The following AFG2A variants were observed in gnomAD, a reference collection of about 807,000 sequenced individuals.
AFG2A encodes AAA ATPase AFG2A, also known as ATPase family gene 2 protein homolog A.
chr4:122,984,506 A>C, the AFG2A span, among the ~76,000 whole-genome samples: 1 of 152,118 alleles, frequency 6.6e-6, no homozygotes, highest in African/African-American at 2.4e-5. Context: ...GAGTGGTGAG[A>C]GTGAGCATCC....
the AFG2A span, among the ~76,000 whole-genome samples, chr4:123,197,180 A>T: frequency 6.6e-6 from 1 of 152,202 alleles, no homozygotes; most frequent in Non-Finnish European, 1.5e-5. Flanking sequence ...ACAACCCATG[A>T]ATCCAGACAT....
At chr4:123,243,103 G>C in the AFG2A span, among the ~76,000 whole-genome samples, 1 of 152,210 alleles carries the variant, frequency 6.6e-6, no homozygotes, top group African/African-American at 2.4e-5. Flanking sequence ...AACAACAGAT[G>C]CTGGAGAGGA....
At chr4:123,226,421 AG>A in the AFG2A span, among the ~76,000 whole-genome samples, 445 of 152,294 alleles carry the variant, frequency 2.9e-3, 2 homozygotes, top group Middle Eastern at 0.014. Flanking sequence ...TTTAGCATGA[AG>A]GGTTGTTGAA....
chr4:122,951,433 T>TAC, the AFG2A span, among the ~76,000 whole-genome samples: 22,110 of 148,404 alleles, frequency 0.15, 1,673 homozygotes, highest in Middle Eastern at 0.24. Flanking sequence ...TTTTCCAAAG[T>TAC]ACACACACAC....
chr4:123,120,937 G>T, the AFG2A span, among the ~76,000 whole-genome samples: 1 of 152,072 alleles, frequency 6.6e-6, no homozygotes, highest in Non-Finnish European at 1.5e-5. Flanking sequence ...TCCTACAGGG[G>T]ATATTCCATA....
chr4:122,982,462 A>G, the AFG2A span, among the ~76,000 whole-genome samples: 3 of 152,250 alleles, frequency 2.0e-5, no homozygotes, highest in South Asian at 6.2e-4. Context: ...GTAATTTTCT[A>G]TTCTTACAGC....
At chr4:123,193,665 G>A in the AFG2A span, among the ~76,000 whole-genome samples, 1 of 152,178 alleles carries the variant, frequency 6.6e-6, no homozygotes, top group African/African-American at 2.4e-5. Flanking sequence ...TAAAAGCGAA[G>A]AAGATGTATT....
chr4:123,089,051 G>A, the AFG2A span, among the ~76,000 whole-genome samples: 2 of 152,068 alleles, frequency 1.3e-5, no homozygotes. Context: ...AGTACTCTTT[G>A]GTCCCATATA....
chr4:123,287,923 G>C, the AFG2A span, among the ~76,000 whole-genome samples: 1 of 152,240 alleles, frequency 6.6e-6, no homozygotes, highest in African/African-American at 2.4e-5. Context: ...ACATTTCAGG[G>C]AGAGGGAACA....
chr4:123,231,514 C>G, the AFG2A span, among the ~76,000 whole-genome samples: 1 of 151,984 alleles, frequency 6.6e-6, no homozygotes, highest in Admixed American at 6.6e-5. Flanking sequence ...CCAGATCACT[C>G]GAAGTTTCTC....
At chr4:123,031,795 T>A in the AFG2A span, among the ~76,000 whole-genome samples, 1 of 152,222 alleles carries the variant, frequency 6.6e-6, no homozygotes, top group Non-Finnish European at 1.5e-5. Context: ...TTTAGCTTCC[T>A]CTATGCATCT....
chr4:123,040,121 G>T, the AFG2A span, among the ~76,000 whole-genome samples: 11 of 151,164 alleles, frequency 7.3e-5, no homozygotes, highest in Non-Finnish European at 1.3e-4. Flanking sequence ...TAGGGTATAC[G>T]TATCTAGAAG....
the AFG2A span, among the ~76,000 whole-genome samples, chr4:123,110,788 C>T: frequency 2.0e-5 from 3 of 152,158 alleles, no homozygotes; most frequent in Non-Finnish European, 4.4e-5. Flanking sequence ...GAGAAAATTA[C>T]TGCTCAAAGA....
At chr4:123,130,623 G>A in the AFG2A span, among the ~76,000 whole-genome samples, 281 of 152,190 alleles carry the variant, frequency 1.8e-3, 4 homozygotes, top group African/African-American at 6.4e-3. Flanking sequence ...GTATTATTCC[G>A]CTATATAGAT....
chr4:123,046,709 CTACTG>C, the AFG2A span, among the ~76,000 whole-genome samples: 112 of 152,054 alleles, frequency 7.4e-4, no homozygotes, highest in Non-Finnish European at 4.4e-5. Context: ...TATGATGTCT[CTACTG>C]TACTACTGAA....
At chr4:123,264,866 T>C in the AFG2A span, among the ~76,000 whole-genome samples, 1 of 152,182 alleles carries the variant, frequency 6.6e-6, no homozygotes, top group Non-Finnish European at 1.5e-5. Context: ...TGTGGTTATA[T>C]ACCTGTCATA....
chr4:123,008,716 T>C, the AFG2A span, among the ~76,000 whole-genome samples: 4 of 152,164 alleles, frequency 2.6e-5, no homozygotes, highest in Non-Finnish European at 5.9e-5. Context: ...GAAAGAGGAA[T>C]GCTCTAAGGT....
At chr4:123,037,500 G>A in the AFG2A span, among the ~76,000 whole-genome samples, 58 of 151,940 alleles carry the variant, frequency 3.8e-4, no homozygotes, top group African/African-American at 1.3e-3. Context: ...AAAATATGTG[G>A]CAAGACTAAC....
chr4:123,228,315 T>C, the AFG2A span, among the ~76,000 whole-genome samples: 1 of 152,018 alleles, frequency 6.6e-6, no homozygotes, highest in Non-Finnish European at 1.5e-5. Context: ...TTCCTAGCCT[T>C]GATGGTCTTT....
Sources: allele counts gnomAD v4.1 joint callset (sites outside exome capture counted in the v4.1 genomes callset), GRCh38; gene constraint gnomAD v4.1.1; transcripts MANE v1.5; gene names NCBI Gene and HGNC (gene_info 2026-07-23, HGNC 2026-07-21).